ZNF726: variants seen among roughly 807,000 people sequenced by gnomAD.
The protein encoded by ZNF726 is zinc finger protein 726.
Under a neutral mutation model 11.6 loss-of-function variants are expected in ZNF726, and 15 were observed. That is an observed-to-expected ratio of 1.29 (90% CI 0.86 to 1.99). The LOEUF (loss-of-function observed/expected upper bound fraction) is 1.99. Among genes scored for constraint, ZNF726 ranks in the 30% most tolerant of loss-of-function variants. The probability of loss-of-function intolerance (pLI) is 0.00; values close to 1 mark genes in which losing one functional copy is unlikely to be tolerated. For synonymous variants in ZNF726, 295 were observed against 243.6 expected, an observed-to-expected ratio of 1.21 and a Z score of -1.96; for missense variants, 890 against 725.6, an observed-to-expected ratio of 1.23 and a Z score of -2.60.
chr19:23,943,691 A>G, intron 4 of ZNF726: 2 of 431,582 alleles, frequency 4.6e-6, no homozygotes, highest in Non-Finnish European at 8.3e-6. Flanking sequence ...GCTTCAGTGG[A>G]AAGATTTCCT....
At chr19:23,937,068 C>G (rs567160504), downstream of ZNF726, among the ~76,000 whole-genome samples, 1 of 148,854 alleles carries the variant, frequency 6.7e-6, no homozygotes, top group African/African-American at 2.5e-5. Context: ...CCGAACGGGG[C>G]GGCTGGCCGG....
chr19:23,931,097 A>C (rs1968093919), intron 3 of ZNF726, among the ~76,000 whole-genome samples: 1 of 152,060 alleles, frequency 6.6e-6, no homozygotes, highest in Non-Finnish European at 1.5e-5. Flanking sequence ...CAGCCTTCTG[A>C]GTAGCTGGGG....
intron 3 of ZNF726, among the ~76,000 whole-genome samples, chr19:23,929,570 C>T (rs1257230479): frequency 2.0e-5 from 3 of 152,146 alleles, no homozygotes; most frequent in African/African-American, 4.8e-5. Flanking sequence ...CCTTCCACCA[C>T]GTCCCTCCCA....
chr19:23,919,284 C>G (rs1280455273), intron 1 of ZNF726, 89 bp from the exon 2 acceptor site: 2 of 1,555,350 alleles, frequency 1.3e-6, no homozygotes, highest in Admixed American at 1.9e-5. Context: ...AGAATCAATT[C>G]TATTCACTTT....
chr19:23,919,276 A>G (rs1199663856), intron 1 of ZNF726, 97 bp from the exon 2 acceptor site: 2 of 1,544,994 alleles, frequency 1.3e-6, no homozygotes, highest in Non-Finnish European at 8.8e-7. Context: ...TATAAGTTAG[A>G]ATCAATTCTA....
intron 3 of ZNF726, among the ~76,000 whole-genome samples, chr19:23,924,928 A>G (rs1179019228): frequency 1.3e-5 from 2 of 152,156 alleles, no homozygotes; most frequent in South Asian, 2.1e-4. Flanking sequence ...CATATCATGT[A>G]TATTCACATT....
At chr19:23,934,641 G>A (rs557323999), downstream of ZNF726, among the ~76,000 whole-genome samples, 6 of 152,232 alleles carry the variant, frequency 3.9e-5, no homozygotes, top group African/African-American at 1.2e-4. Context: ...AGCAGCCTCC[G>A]GACCCCCAAG....
chr19:23,916,870 T>G (rs1266866144), intron 1 of ZNF726, among the ~76,000 whole-genome samples: 1 of 152,090 alleles, frequency 6.6e-6, no homozygotes, highest in Non-Finnish European at 1.5e-5. Context: ...GACAATCAAC[T>G]AATTGAATGG....
chr19:23,939,652 T>C (rs2084535610), intron 3 of ZNF726, among the ~76,000 whole-genome samples: 1 of 152,182 alleles, frequency 6.6e-6, no homozygotes, highest in Admixed American at 6.5e-5. Flanking sequence ...AGTGTAGAAG[T>C]GTTCCCTGAT....
intron 3 of ZNF726, among the ~76,000 whole-genome samples, chr19:23,930,372 TA>T (rs1568379029): frequency 1.3e-5 from 2 of 152,174 alleles, no homozygotes; most frequent in Non-Finnish European, 2.9e-5. Flanking sequence ...TTCCATGTTT[TA>T]ATTTTGTTTT....
At chr19:23,938,611 C>CTT (rs35605431), downstream of ZNF726, among the ~76,000 whole-genome samples, 21 of 129,382 alleles carry the variant, frequency 1.6e-4, no homozygotes, top group East Asian at 6.6e-4. Flanking sequence ...TTTTTTTTTC[C>CTT]TTTTTTTTTT....
intron 3 of ZNF726, among the ~76,000 whole-genome samples, chr19:23,921,898 A>G (rs997686750): frequency 2.4e-4 from 37 of 152,184 alleles, no homozygotes; most frequent in Non-Finnish European, 4.4e-4. Flanking sequence ...TTTCAGTGCT[A>G]TGTTAAAATA....
chr19:23,920,260 C>T (rs1422815096), intron 3 of ZNF726, 178 bp downstream of exon 3: 9 of 386,406 alleles, frequency 2.3e-5, no homozygotes, highest in Non-Finnish European at 3.9e-5. Context: ...CTTATAAAAT[C>T]TCTAAGAATT....
At chr19:23,932,137 A>G (rs887575718) in intron 3 of ZNF726, among the ~76,000 whole-genome samples, 1 of 152,094 alleles carries the variant, frequency 6.6e-6, no homozygotes, top group Non-Finnish European at 1.5e-5. Context: ...GCACACAGTG[A>G]ATGTTCACAT....
downstream of ZNF726, among the ~76,000 whole-genome samples, chr19:23,936,743 T>A (rs894128210): frequency 2.6e-5 from 4 of 151,648 alleles, no homozygotes; most frequent in African/African-American, 9.7e-5. Flanking sequence ...TTTTTATTTT[T>A]ATTTTAATTT....
Position 23,932,757 on chromosome 19 carries a change from C to T in ZNF726, c.641C>T (p.Ser214Leu), listed in dbSNP as rs1968138072. ...KECGKTFNWS[S>L]TLTNHKKTHT... ...TGTGGAAAAACCTTTAATTGGTCCT[C>T]AACCCTTACTAATCATAAGAAAACT... The change falls in exon 4 of 4, where the codon TCA becomes TTA. Residue 214 changes from serine to leucine, a missense_variant. Transcript: ENST00000594466. 6.2e-7 allele frequency: 1 copy of T among 1,612,884 alleles called. No homozygotes were observed.
chr19:23,940,639 ATTTG>A (rs762361245), intron 3 of ZNF726, among the ~76,000 whole-genome samples: 13 of 151,928 alleles, frequency 8.6e-5, no homozygotes, highest in African/African-American at 2.9e-4. Context: ...ATGTGTTTCT[ATTTG>A]TTTGTGTCAT....
At chr19:23,934,768 A>T (rs965994016), downstream of ZNF726, among the ~76,000 whole-genome samples, 1 of 152,150 alleles carries the variant, frequency 6.6e-6, no homozygotes, top group African/African-American at 2.4e-5. Flanking sequence ...TGTGGGGAAA[A>T]GGCTCCCTCT....
chr19:23,942,904 G>C (rs1453504094), intron 3 of ZNF726, among the ~76,000 whole-genome samples: 1 of 152,200 alleles, frequency 6.6e-6, no homozygotes, highest in African/African-American at 2.4e-5. Context: ...CCATTCTGCA[G>C]TTCTGTGTCT....
Sources: allele counts gnomAD v4.1 joint callset (sites outside exome capture counted in the v4.1 genomes callset), GRCh38; gene constraint gnomAD v4.1.1; transcripts MANE v1.5; gene names NCBI Gene and HGNC (gene_info 2026-07-23, HGNC 2026-07-21).